Variants in CMTM8 observed in about 807,000 individuals in gnomAD.
CMTM8 encodes CKLF like MARVEL transmembrane domain containing 8.
In CMTM8, 12 loss-of-function variants were observed where a neutral mutation model predicts 18.6. The ratio of observed to expected loss-of-function variants is 0.65; its 90% CI spans 0.41 to 1.05. The LOEUF is 1.05. Ranked by LOEUF, CMTM8 falls within the 50% of genes least tolerant of loss-of-function variation. The pLI is 0.00. For synonymous variants in CMTM8, 87 were observed against 90.6 expected, an observed-to-expected ratio of 0.96 and a Z score of 0.23; for missense variants, 217 against 227.2, an observed-to-expected ratio of 0.95 and a Z score of 0.29.
At chr3:32,282,308 G>T (rs1487338345) in intron 1 of CMTM8, among the ~76,000 whole-genome samples, 1 of 152,114 alleles carries the variant, frequency 6.6e-6, no homozygotes, top group Non-Finnish European at 1.5e-5. Context: ...TAGATTAAAA[G>T]AGATTTATGA....
At chr3:32,260,339 A>G (rs1455068140) in intron 1 of CMTM8, 2 of 561,980 alleles carry the variant, frequency 3.6e-6, no homozygotes, top group East Asian at 2.9e-5. Context: ...ATAATGAACT[A>G]TACGTTAATA....
At chr3:32,310,079 G>T (rs879662943) in intron 1 of CMTM8, among the ~76,000 whole-genome samples, 3 of 152,202 alleles carry the variant, frequency 2.0e-5, no homozygotes, top group Non-Finnish European at 2.9e-5. Context: ...GTGAACACAG[G>T]AGATCCATCC....
At chr3:32,248,448 G>A (rs1223890228) in intron 1 of CMTM8, among the ~76,000 whole-genome samples, 2 of 151,824 alleles carry the variant, frequency 1.3e-5, no homozygotes, top group South Asian at 2.1e-4. Context: ...TGCAACCTCC[G>A]CCTCCCCAGT....
chr3:32,238,887 C>T lies in CMTM8; in HGVS notation c.-86C>T. 1 of 1,288,468 alleles carries T rather than the reference C, an allele frequency of 7.8e-7. No homozygotes were observed. The highest frequency in any genetic ancestry group is 3.2e-5 in the East Asian group (1 of 31,458). 79.8% of individuals were successfully genotyped at this position (1,288,468 alleles called of 1,614,324 possible). The stretch of plus-strand genomic sequence containing the variant: ...CGGGCCGCGCTCCCCTCCCCCGCGC[C>T]TGTGTCCCCAGGGCGCAGGGCCGCG... On this transcript the variant is annotated 5_prime_UTR_variant, in exon 1 of 4. Coordinates refer to ENST00000307526, the MANE Select transcript of CMTM8 (RefSeq NM_178868.5).
intron 1 of CMTM8, among the ~76,000 whole-genome samples, chr3:32,244,513 T>C (rs1701986220): frequency 6.6e-6 from 1 of 152,246 alleles, no homozygotes; most frequent in Admixed American, 6.5e-5. Flanking sequence ...GAATTTTCTC[T>C]TTCCATTTTC....
chr3:32,246,578 C>A (rs150797737), intron 1 of CMTM8, among the ~76,000 whole-genome samples: 9 of 152,320 alleles, frequency 5.9e-5, no homozygotes, highest in African/African-American at 1.9e-4. Flanking sequence ...TGCTTTCCTG[C>A]TGAGACCTGA....
At chr3:32,337,397 G>A (rs1027205042) in intron 1 of CMTM8, among the ~76,000 whole-genome samples, 1 of 152,160 alleles carries the variant, frequency 6.6e-6, no homozygotes, top group Admixed American at 6.6e-5. Flanking sequence ...CACTCTAAGA[G>A]TCTTCTTTTC....
chr3:32,290,346 A>T (rs1339845107), intron 1 of CMTM8, among the ~76,000 whole-genome samples: 1 of 152,240 alleles, frequency 6.6e-6, no homozygotes, highest in Non-Finnish European at 1.5e-5. Flanking sequence ...AAAGATAAAG[A>T]TCTAAATAAA....
intron 2 of CMTM8, among the ~76,000 whole-genome samples, chr3:32,363,792 G>A (rs1696978824): frequency 1.3e-5 from 2 of 152,150 alleles, no homozygotes. Context: ...AGTGTGTCTG[G>A]GGTAGGGCCT....
At position 32,338,273 on chromosome 3, in the gene CMTM8, T is replaced by G. The variant is rs1294038279; in HGVS notation, c.148-19100T>G. ...CTGGGATTACAGGTGTAAGCCACCG[T>G]GCCCGGCCTGGCCTTTTACAGTAAA... On this transcript the variant is annotated intron_variant, in intron 1 of 3. Transcript: ENST00000307526. Among the ~76,000 whole-genome samples, 3 of 152,236 alleles carry G rather than the reference T, an allele frequency of 2.0e-5. No homozygotes were observed. In the East Asian group the frequency reaches 5.8e-4, roughly 29 times the overall value.
intron 1 of CMTM8, among the ~76,000 whole-genome samples, chr3:32,311,961 G>A (rs577791844): frequency 6.6e-6 from 1 of 152,288 alleles, no homozygotes; most frequent in East Asian, 1.9e-4. Flanking sequence ...ACAAAAGAGA[G>A]GCTTCAGCTT....
intron 1 of CMTM8, among the ~76,000 whole-genome samples, chr3:32,350,745 G>A (rs1419613715): frequency 3.3e-5 from 5 of 152,066 alleles, no homozygotes; most frequent in Admixed American, 3.3e-4. Context: ...GGCTGGTCTC[G>A]AACTCCTGAC....
chr3:32,332,335 C>T (rs1277046017), intron 1 of CMTM8, among the ~76,000 whole-genome samples: 4 of 151,972 alleles, frequency 2.6e-5, no homozygotes, highest in East Asian at 1.9e-4. Context: ...TAGCCTCAGG[C>T]GTAGATAAGG....
At chr3:32,317,599 C>T (rs1193906125) in intron 1 of CMTM8, among the ~76,000 whole-genome samples, 1 of 152,110 alleles carries the variant, frequency 6.6e-6, no homozygotes, top group Non-Finnish European at 1.5e-5. Context: ...TATAAACTTA[C>T]CCTAAGGTGA....
chr3:32,250,100 A>G (rs778299129), intron 1 of CMTM8, among the ~76,000 whole-genome samples: 34 of 152,288 alleles, frequency 2.2e-4, no homozygotes, highest in Admixed American at 1.2e-3. Flanking sequence ...ATGGATATCA[A>G]TTGTCCCAGC....
intron 1 of CMTM8, among the ~76,000 whole-genome samples, chr3:32,312,778 C>T (rs1420428478): frequency 6.6e-6 from 1 of 151,572 alleles, no homozygotes; most frequent in African/African-American, 2.4e-5. Flanking sequence ...CTAGCAACCG[C>T]CCCCGATCCT....
chr3:32,347,567 C>T (rs1448392898), intron 1 of CMTM8, among the ~76,000 whole-genome samples: 1 of 152,090 alleles, frequency 6.6e-6, no homozygotes, highest in African/African-American at 2.4e-5. Flanking sequence ...TCTCAAGGGC[C>T]GGGCTTTGTA....
chr3:32,314,909 C>A (rs1023033947), intron 1 of CMTM8, among the ~76,000 whole-genome samples: 9 of 57,566 alleles, frequency 1.6e-4, no homozygotes, highest in South Asian at 1.8e-3. Flanking sequence ...TAGCCTTGTA[C>A]ACAGATCTTT....
chr3:32,316,714 T>G (rs886874629), intron 1 of CMTM8, among the ~76,000 whole-genome samples: 1 of 152,200 alleles, frequency 6.6e-6, no homozygotes, highest in African/African-American at 2.4e-5. Flanking sequence ...AAACTCCAGA[T>G]TTATTCAGGG....
Sources: allele counts gnomAD v4.1 joint callset (sites outside exome capture counted in the v4.1 genomes callset), GRCh38; gene constraint gnomAD v4.1.1; transcripts MANE v1.5; gene names NCBI Gene and HGNC (gene_info 2026-07-23, HGNC 2026-07-21).